MPDZ: variants seen among roughly 807,000 people sequenced by gnomAD.
MPDZ encodes the protein multiple PDZ domain crumbs cell polarity complex component, also known as multiple PDZ domain protein.
MPDZ carries 234 observed loss-of-function variants against 239.1 expected under a neutral mutation model. The observed-to-expected ratio is 0.98, with a 90% CI of 0.88 to 1.09. The LOEUF (loss-of-function observed/expected upper bound fraction) is 1.09. Ranked by LOEUF, MPDZ falls within the 50% of genes least tolerant of loss-of-function variation. The pLI, the probability that MPDZ is intolerant of heterozygous loss-of-function variation, is 0.00. For synonymous variants in MPDZ, 1,048 were observed against 881.3 expected (o/e 1.19, Z -3.35); for missense variants, 3,175 against 2,510.0 (o/e 1.26, Z -5.66).
chr9:13,230,407 C>G (rs575793472), intron 3 of MPDZ, among the ~76,000 whole-genome samples: 101 of 152,158 alleles, frequency 6.6e-4, no homozygotes, highest in Non-Finnish European at 1.3e-3. Context: ...AAATACCCCT[C>G]AGTAGGTAAA....
intron 24 of MPDZ, among the ~76,000 whole-genome samples, chr9:13,151,247 T>C (rs1039052501): frequency 6.6e-6 from 1 of 152,058 alleles, no homozygotes; most frequent in African/African-American, 2.4e-5. Flanking sequence ...GAAAAGAGTA[T>C]ATAGGTTCCT....
rs755784393 is a variant in MPDZ at position 13,186,387 on chromosome 9, C to G, written c.2365-1G>C. The G allele has an allele frequency of 6.5e-7, 1 of 1,549,046 alleles. No individual in the cohort carries two copies. The highest frequency in any genetic ancestry group is 1.2e-5 in the South Asian group (1 of 84,374). On this transcript the variant is annotated splice_acceptor_variant, in intron 17 of 46. Transcript: ENST00000319217. LOFTEE classifies it high-confidence loss of function. ...AAACATAACCTTCTTCTGGTGAAAGCTGCAGGGAAAAAATGGTATTCATGG... is the reference window on the plus strand; with the variant it reads ...AAACATAACCTTCTTCTGGTGAAAGGTGCAGGGAAAAAATGGTATTCATGG...
At chr9:13,183,140 T>C (rs1207998145) in intron 19 of MPDZ, among the ~76,000 whole-genome samples, 1 of 152,084 alleles carries the variant, frequency 6.6e-6, no homozygotes, top group African/African-American at 2.4e-5. Flanking sequence ...AAATATATGA[T>C]GCTAAATTTT....
At chr9:13,151,336 G>C (rs745395756) in intron 24 of MPDZ, among the ~76,000 whole-genome samples, 2 of 151,948 alleles carry the variant, frequency 1.3e-5, no homozygotes, top group Non-Finnish European at 2.9e-5. Flanking sequence ...TTCAAAGCAG[G>C]ATCTCAAAGA....
In MPDZ at chr9:13,116,879, A is replaced by C. The variant is rs1286366122; in HGVS notation, c.5380-1545T>G. Among the ~76,000 whole-genome samples the C allele has an allele frequency of 3.3e-5, 5 of 152,300 alleles. No homozygotes were observed. The East Asian group carries it at 7.7e-4, about 24-fold the overall frequency. On this transcript the variant is annotated intron_variant, in intron 39 of 46. Transcript: ENST00000319217. ...AAAAACTTATAAGATTGTATTTTACATAGTTGCATCTATGCGGTAAATACA... is the reference window on the plus strand; with the variant it reads ...AAAAACTTATAAGATTGTATTTTACCTAGTTGCATCTATGCGGTAAATACA...
At chr9:13,222,501 A>G in intron 5 of MPDZ, 55 bp from the exon 6 acceptor site, 4 of 1,390,444 alleles carry the variant, frequency 2.9e-6, no homozygotes, top group Non-Finnish European at 4.1e-6. Flanking sequence ...CAAGGAAATG[A>G]CAGCTTCTTT....
chr9:13,261,248 G>T (rs1970614451), intron 1 of MPDZ, among the ~76,000 whole-genome samples: 1 of 152,142 alleles, frequency 6.6e-6, no homozygotes, highest in Non-Finnish European at 1.5e-5. Context: ...CATTAAGAGA[G>T]GCAGGCATTC....
chr9:13,205,028 G>C lies in MPDZ; in HGVS notation c.1546+8C>G, dbSNP rs1165842059. ...GAAGTACACAATAAGCTGGCGCTAG[G>C]TGTTTACCTTCTTCTTCAGTTGGTA... On this transcript the variant is annotated splice_region_variant and intron_variant, in intron 12 of 46. Coordinates refer to ENST00000319217, the MANE Select transcript of MPDZ (RefSeq NM_001378778.1). 7.0e-7 allele frequency: 1 copy of C among 1,438,408 alleles called. No homozygotes were observed. Among genetic ancestry groups the C allele is most frequent in the South Asian group, 1.6e-5 (1 of 62,818 alleles). 89.1% of individuals were successfully genotyped at this position (1,438,408 alleles called of 1,614,324 possible). A position where few individuals can be genotyped will look rare whatever the true frequency, so the allele number is the denominator to read the frequency against.
intron 13 of MPDZ, among the ~76,000 whole-genome samples, chr9:13,194,364 C>T (rs1022800172): frequency 7.2e-5 from 11 of 151,804 alleles, no homozygotes; most frequent in African/African-American, 2.7e-4. Context: ...TACTACACAG[C>T]CATAAAAAAG....
At chr9:13,227,975 C>G (rs1421030624) in intron 3 of MPDZ, among the ~76,000 whole-genome samples, 3 of 152,108 alleles carry the variant, frequency 2.0e-5, no homozygotes, top group African/African-American at 7.2e-5. Flanking sequence ...AAATGGCTTT[C>G]TGAACTATAA....
At chr9:13,234,897 A>G (rs191652992) in intron 3 of MPDZ, among the ~76,000 whole-genome samples, 1 of 152,232 alleles carries the variant, frequency 6.6e-6, no homozygotes, top group Admixed American at 6.5e-5. Context: ...AATTTACCAA[A>G]AATGCTGTAA....
intron 10 of MPDZ, among the ~76,000 whole-genome samples, chr9:13,212,501 A>G (rs1198014638): frequency 2.0e-5 from 3 of 152,004 alleles, no homozygotes; most frequent in Non-Finnish European, 4.4e-5. Context: ...CAATATAATC[A>G]CACCCATGCT....
intron 35 of MPDZ, among the ~76,000 whole-genome samples, chr9:13,123,739 G>A (rs1237718678): frequency 6.6e-6 from 1 of 152,126 alleles, no homozygotes; most frequent in Non-Finnish European, 1.5e-5. Flanking sequence ...TACATTCAGG[G>A]AATACCACAA....
At chr9:13,182,862 C>T (rs961263855) in intron 19 of MPDZ, among the ~76,000 whole-genome samples, 2 of 152,036 alleles carry the variant, frequency 1.3e-5, no homozygotes, top group African/African-American at 4.8e-5. Context: ...ACAGATATGT[C>T]AAATAGTGAC....
chr9:13,175,387 A>C (rs1952331881), intron 21 of MPDZ, among the ~76,000 whole-genome samples: 2 of 152,220 alleles, frequency 1.3e-5, no homozygotes, highest in Non-Finnish European at 2.9e-5. Flanking sequence ...TGGTACATTC[A>C]AAGTAACTAA....
intron 3 of MPDZ, among the ~76,000 whole-genome samples, chr9:13,238,786 A>G (rs1457800496): frequency 1.3e-5 from 2 of 152,082 alleles, no homozygotes; most frequent in Admixed American, 1.3e-4. Context: ...ATCAACTAAA[A>G]CAGCAAATCC....
intron 9 of MPDZ, 94 bp from the exon 10 acceptor site, chr9:13,216,956 A>G: frequency 3.2e-6 from 3 of 938,262 alleles, no homozygotes; most frequent in Middle Eastern, 2.4e-4. Context: ...CTAATTCAGA[A>G]TAAATACGTA....
chr9:13,124,303 T>G (rs902573610), intron 35 of MPDZ, among the ~76,000 whole-genome samples: 1 of 152,236 alleles, frequency 6.6e-6, no homozygotes, highest in Non-Finnish European at 1.5e-5. Context: ...TTCAGTGAAT[T>G]ATCCAGTCTT....
intron 12 of MPDZ, 85 bp downstream of exon 12, chr9:13,204,951 C>T: frequency 2.3e-6 from 2 of 867,698 alleles, no homozygotes; most frequent in Non-Finnish European, 3.3e-6. Flanking sequence ...ACAATATATC[C>T]ATAGAGGCTT....
Sources: allele counts gnomAD v4.1 joint callset (sites outside exome capture counted in the v4.1 genomes callset), GRCh38; gene constraint gnomAD v4.1.1; transcripts MANE v1.5; gene names NCBI Gene and HGNC (gene_info 2026-07-23, HGNC 2026-07-21).